SLC14A2: variants seen among roughly 807,000 people sequenced by gnomAD.
SLC14A2 encodes the protein solute carrier family 14 member 2.
In SLC14A2, 91 loss-of-function variants were observed where a neutral mutation model predicts 104.6. That is an observed-to-expected ratio of 0.87 (90% CI 0.73 to 1.04). The LOEUF is 1.04. Among genes scored for constraint, SLC14A2 ranks in the 50% least tolerant of loss-of-function variants. The pLI is 0.00. For synonymous variants in SLC14A2, 476 were observed against 466.4 expected, an observed-to-expected ratio of 1.02 and a Z score of -0.27; for missense variants, 1,189 against 1,156.0, an observed-to-expected ratio of 1.03 and a Z score of -0.41.
At chr18:45,645,612 A>AATATATATATATACATATATATATAT (rs200386593) in intron 10 of SLC14A2, among the ~76,000 whole-genome samples, 7 of 28,194 alleles carry the variant, frequency 2.5e-4, no homozygotes, top group African/African-American at 8.3e-4. Flanking sequence ...GGTCTTTTTA[A>AATATATATATATACATATATATATAT]ATATATATAT....
intron 2 of SLC14A2, among the ~76,000 whole-genome samples, chr18:45,561,888 A>T (rs1292341499): frequency 6.7e-6 from 1 of 150,302 alleles, no homozygotes; most frequent in Non-Finnish European, 1.5e-5. Context: ...GGATCTATAT[A>T]GATTGATGAT....
At chr18:45,404,241 A>T (rs2086128892) in intron 1 of SLC14A2, among the ~76,000 whole-genome samples, 1 of 152,096 alleles carries the variant, frequency 6.6e-6, no homozygotes. Context: ...TTGGGTTCTT[A>T]CTGTCTAGCA....
the SLC14A2 span, among the ~76,000 whole-genome samples, chr18:45,192,416 A>T: frequency 6.6e-6 from 1 of 152,182 alleles, no homozygotes; most frequent in Non-Finnish European, 1.5e-5. Flanking sequence ...ATATGTTTTT[A>T]TTTGCCTTGA....
the SLC14A2 span, among the ~76,000 whole-genome samples, chr18:45,206,418 T>TACACACACACGTACACACAC: frequency 2.7e-5 from 4 of 149,130 alleles, no homozygotes; most frequent in African/African-American, 9.9e-5. Context: ...CACATACACA[T>TACACACACACGTACACACAC]ACACACACAC....
intron 2 of SLC14A2, among the ~76,000 whole-genome samples, chr18:45,519,524 C>CCTCA (rs2043487806): frequency 6.6e-6 from 1 of 152,336 alleles, no homozygotes; most frequent in African/African-American, 2.4e-5. Flanking sequence ...CACACATACA[C>CCTCA]CTCACTCACT....
intron 19 of SLC14A2, among the ~76,000 whole-genome samples, chr18:45,680,090 G>T (rs1038103498): frequency 6.6e-6 from 1 of 152,172 alleles, no homozygotes; most frequent in Non-Finnish European, 1.5e-5. Context: ...TTAGAACCGG[G>T]GTTGAATAGC....
chr18:45,386,144 T>C (rs1251521544), intron 1 of SLC14A2, among the ~76,000 whole-genome samples: 3 of 152,108 alleles, frequency 2.0e-5, no homozygotes, highest in East Asian at 3.9e-4. Flanking sequence ...GTGAAAGTGA[T>C]GGTGGTGAGT....
At chr18:45,331,915 G>T (rs2085294957) in intron 1 of SLC14A2, among the ~76,000 whole-genome samples, 1 of 152,092 alleles carries the variant, frequency 6.6e-6, no homozygotes, top group South Asian at 2.1e-4. Context: ...CTTGTCATTG[G>T]AGTTCAGGCC....
At chr18:45,183,082 C>T in the SLC14A2 span, among the ~76,000 whole-genome samples, 1 of 152,112 alleles carries the variant, frequency 6.6e-6, no homozygotes, top group Non-Finnish European at 1.5e-5. Context: ...AAATGTAGTT[C>T]CTGGGTCCAT....
chr18:45,673,848 T>C (rs1599163662), intron 18 of SLC14A2, 31 bp downstream of exon 18: 1 of 1,600,766 alleles, frequency 6.2e-7, no homozygotes, highest in Non-Finnish European at 8.6e-7. Flanking sequence ...ATTTGTTTCC[T>C]TTATAAAAGG....
intron 1 of SLC14A2, among the ~76,000 whole-genome samples, chr18:45,243,851 C>A (rs1164285547): frequency 6.6e-6 from 1 of 152,176 alleles, no homozygotes; most frequent in Non-Finnish European, 1.5e-5. Flanking sequence ...ACTGTGCTCA[C>A]CAAGAAGCCT....
chr18:45,320,215 G>A (rs1454147778), intron 1 of SLC14A2, among the ~76,000 whole-genome samples: 6 of 152,264 alleles, frequency 3.9e-5, no homozygotes, highest in African/African-American at 1.4e-4. Context: ...AGCTAACTAG[G>A]ATAGTGGAAT....
At chr18:45,241,949 C>T (rs904846896) in intron 1 of SLC14A2, among the ~76,000 whole-genome samples, 1 of 152,054 alleles carries the variant, frequency 6.6e-6, no homozygotes, top group African/African-American at 2.4e-5. Flanking sequence ...GGCAACTTAC[C>T]TGATTTTCAA....
the SLC14A2 span, among the ~76,000 whole-genome samples, chr18:45,192,636 G>GTTTTTTTTTT: frequency 4.4e-5 from 5 of 112,824 alleles, no homozygotes; most frequent in South Asian, 5.1e-4. Context: ...GTGTGTGTGT[G>GTTTTTTTTTT]GTTTTTTTTT....
intron 1 of SLC14A2, among the ~76,000 whole-genome samples, chr18:45,284,231 G>A (rs2084791098): frequency 6.6e-6 from 1 of 152,146 alleles, no homozygotes; most frequent in Non-Finnish European, 1.5e-5. Context: ...CCTTCTGCCT[G>A]CAGAACCAGT....
rs1568114282 is a variant in SLC14A2 at position 45,236,249 on chromosome 18, A to ATATGTGTATATATACATGTATGTGTG, written c.-125+23061_-125+23062insGTGTATATATACATGTATGTGTGTAT. Among the ~76,000 whole-genome samples, 277 of 37,030 alleles carry ATATGTGTATATATACATGTATGTGTG rather than the reference A, an allele frequency of 7.5e-3. 60 individuals are homozygous for ATATGTGTATATATACATGTATGTGTG. The highest frequency in any genetic ancestry group is 0.015 in the East Asian group (22 of 1,426). The allele number at this position is 37,030 out of a possible 152,430, so 24.3% of individuals were successfully genotyped here. ...TGTGTATATATACATATATGTGTGT[A>ATATGTGTATATATACATGTATGTGTG]TATATGTGTATATATACATGTATGT... On this transcript the variant is annotated intron_variant, in intron 1 of 20. Transcript: ENST00000586448.
At chr18:45,218,046 T>G (rs2084026233) in intron 1 of SLC14A2, among the ~76,000 whole-genome samples, 1 of 152,178 alleles carries the variant, frequency 6.6e-6, no homozygotes, top group Non-Finnish European at 1.5e-5. Context: ...AATTTACCAT[T>G]TTAACGATCT....
rs138679374 is a variant in SLC14A2, at chr18:45,344,203, T to C, written c.-125+131012T>C. 9.2e-5 allele frequency among the ~76,000 whole-genome samples: 14 copies of C among 152,314 alleles called. No homozygotes were observed. The East Asian group carries it at 2.7e-3, about 29-fold the overall frequency. On this transcript the variant is annotated intron_variant, in intron 1 of 20. Transcript: ENST00000586448. Reference sequence around the variant, plus strand: ...CACTAAATCAATATACACTGATCTATTCATTGGGGGACTACTTAATTTCTG... The same window carrying C: ...CACTAAATCAATATACACTGATCTACTCATTGGGGGACTACTTAATTTCTG...
At chr18:45,334,128 G>A (rs936673672) in intron 1 of SLC14A2, among the ~76,000 whole-genome samples, 9 of 152,144 alleles carry the variant, frequency 5.9e-5, no homozygotes, top group African/African-American at 2.2e-4. Flanking sequence ...ATGCTGAATG[G>A]TTTGCTCCAG....
Sources: gnomAD v4.1 joint callset for allele counts (sites outside exome capture counted in the v4.1 genomes callset) on GRCh38, gnomAD v4.1.1 for gene constraint, MANE v1.5 for transcripts, NCBI Gene and HGNC (gene_info 2026-07-23, HGNC 2026-07-21) for gene names.